SPARCL1: variants seen among roughly 807,000 people sequenced by gnomAD.
SPARCL1 encodes SPARC like 1.
Under a neutral mutation model 67.1 loss-of-function variants are expected in SPARCL1, and 52 were observed. That is an observed-to-expected ratio of 0.78 (90% CI 0.62 to 0.98). The LOEUF is 0.98. Ranked by LOEUF, SPARCL1 falls within the 50% of genes least tolerant of loss-of-function variation. SPARCL1 has a pLI of 0.00. For synonymous variants in SPARCL1, 226 were observed against 267.8 expected (o/e 0.84, Z 1.52); for missense variants, 717 against 782.4 (o/e 0.92, Z 1.00).
intron 8 of SPARCL1, among the ~76,000 whole-genome samples, chr4:87,481,530 C>T (rs1455695136): frequency 6.6e-6 from 1 of 152,168 alleles, no homozygotes; most frequent in Non-Finnish European, 1.5e-5. Flanking sequence ...AACATGCTCC[C>T]ACCCCAGGAA....
chr4:87,518,775 AAG>A (rs3037340), intron 1 of SPARCL1, among the ~76,000 whole-genome samples: 40,154 of 152,004 alleles, frequency 0.26, 5,563 homozygotes, highest in South Asian at 0.41. Flanking sequence ...AGGGAAGAAA[AAG>A]AGAGAAAAAG....
intron 1 of SPARCL1, among the ~76,000 whole-genome samples, chr4:87,508,656 T>C (rs1453740129): frequency 1.3e-5 from 2 of 151,378 alleles, no homozygotes; most frequent in African/African-American, 4.9e-5. Flanking sequence ...GGTAAAAAAA[T>C]AGAAGATTAG....
Position 87,494,122 on chromosome 4 carries a change from C to T in SPARCL1, c.678G>A (p.Arg226=), listed in dbSNP as rs150324828. 5.1e-5 allele frequency: 83 copies of T among 1,613,706 alleles called. No homozygotes were observed. In the African/African-American group the frequency reaches 8.8e-4, roughly 17 times the overall value. ...DNQERKTELP[R]EHANSKQEED... Reference sequence around the variant, plus strand: ...CCTCCTGCTTGCTGTTAGCATGCTCCCTGGGCAATTCTGTCTTTCTTTCTT... The same window carrying T: ...CCTCCTGCTTGCTGTTAGCATGCTCTCTGGGCAATTCTGTCTTTCTTTCTT... The change falls in exon 4 of 11, where the codon AGG becomes AGA. Residue 226 remains arginine (R), a synonymous_variant. Coordinates refer to ENST00000282470, the MANE Select transcript of SPARCL1 (RefSeq NM_004684.6).
At chr4:87,506,484 G>A (rs186186526) in intron 1 of SPARCL1, among the ~76,000 whole-genome samples, 126 of 152,252 alleles carry the variant, frequency 8.3e-4, no homozygotes, top group Admixed American at 1.8e-3. Context: ...ATCCACTGGG[G>A]ACCTGAATAG....
At chr4:87,493,539 A>G in intron 4 of SPARCL1, 43 bp downstream of exon 4, 1 of 1,536,228 alleles carries the variant, frequency 6.5e-7, no homozygotes, top group Non-Finnish European at 8.8e-7. Flanking sequence ...GTTTATTGAT[A>G]ATGCTGGCTT....
chr4:87,524,522 C>T (rs1725958230), intron 1 of SPARCL1, among the ~76,000 whole-genome samples: 1 of 152,224 alleles, frequency 6.6e-6, no homozygotes, highest in Non-Finnish European at 1.5e-5. Context: ...AATGGAAACT[C>T]ACCAGATCAC....
At chr4:87,516,501 A>T (rs1215886499) in intron 1 of SPARCL1, among the ~76,000 whole-genome samples, 1 of 152,200 alleles carries the variant, frequency 6.6e-6, no homozygotes, top group Non-Finnish European at 1.5e-5. Context: ...TGGCATATAC[A>T]TTCCTGAGAT....
rs1016205263 is a variant in SPARCL1 at position 87,524,764 on chromosome 4, C to A, written c.-12+4281G>T. Among the ~76,000 whole-genome samples the A allele has an allele frequency of 1.8e-4, 27 of 152,302 alleles. No individual in the cohort carries two copies. In the South Asian group the frequency reaches 2.5e-3, roughly 14 times the overall value. Reference sequence around the variant, plus strand: ...AGTGATTGGCTTTCTACGAAGTGAGCAGCAGGACCTAGACTGGAACCTTGC... The same window carrying A: ...AGTGATTGGCTTTCTACGAAGTGAGAAGCAGGACCTAGACTGGAACCTTGC... On this transcript the variant is annotated intron_variant, in intron 1 of 10. Transcript: ENST00000282470.
At chr4:87,510,473 G>A (rs1370380220) in intron 1 of SPARCL1, among the ~76,000 whole-genome samples, 1 of 152,080 alleles carries the variant, frequency 6.6e-6, no homozygotes, top group Non-Finnish European at 1.5e-5. Context: ...TCCCCATCCT[G>A]TGCCCATAAA....
intron 1 of SPARCL1, among the ~76,000 whole-genome samples, chr4:87,525,533 C>T (rs1272238892): frequency 6.6e-6 from 1 of 152,154 alleles, no homozygotes; most frequent in Non-Finnish European, 1.5e-5. Flanking sequence ...GGGTTTGCTG[C>T]AGTATGTGTA....
chr4:87,522,675 ACACACACG>A (rs973211923), intron 1 of SPARCL1, among the ~76,000 whole-genome samples: 6 of 148,080 alleles, frequency 4.1e-5, no homozygotes, highest in African/African-American at 1.6e-4. Flanking sequence ...ACACACACAC[ACACACACG>A]CACACACACA....
chr4:87,474,105 C>A (rs1046872906), intron 10 of SPARCL1, among the ~76,000 whole-genome samples: 3 of 152,106 alleles, frequency 2.0e-5, no homozygotes, highest in Non-Finnish European at 1.5e-5. Context: ...AGCAGGTTAA[C>A]GGGAGGTCCA....
At chr4:87,493,047 C>T (rs935272799) in intron 4 of SPARCL1, among the ~76,000 whole-genome samples, 1 of 152,200 alleles carries the variant, frequency 6.6e-6, no homozygotes, top group Non-Finnish European at 1.5e-5. Flanking sequence ...CCAGTATCTC[C>T]TATCCTTCAG....
intron 10 of SPARCL1, among the ~76,000 whole-genome samples, chr4:87,478,474 A>G (rs534669124): frequency 2.7e-5 from 4 of 147,074 alleles, no homozygotes; most frequent in Non-Finnish European, 5.9e-5. Flanking sequence ...GTCTCACTCT[A>G]TCACCCAGGC....
In SPARCL1 at chr4:87,492,081, A is replaced by G. The variant is rs964567267; in HGVS notation, c.1219-391T>C. On this transcript the variant is annotated intron_variant, in intron 4 of 10. Transcript: ENST00000282470. ...TGCAGTAAGCTGTGATTGCATCACTACACTCCAGCCTAGGAGACAGAGCAA... is the reference window on the plus strand; with the variant it reads ...TGCAGTAAGCTGTGATTGCATCACTGCACTCCAGCCTAGGAGACAGAGCAA... 1.6e-4 allele frequency among the ~76,000 whole-genome samples: 24 copies of G among 151,686 alleles called. 1 individual carries two copies. Among genetic ancestry groups the G allele is most frequent in the South Asian group, 8.4e-4 (4 of 4,774 alleles).
At chr4:87,518,032 C>T (rs1725656251) in intron 1 of SPARCL1, among the ~76,000 whole-genome samples, 1 of 152,174 alleles carries the variant, frequency 6.6e-6, no homozygotes, top group Non-Finnish European at 1.5e-5. Flanking sequence ...AGGGCCAACA[C>T]ATTTAATATG....
At chr4:87,498,111 A>C (rs1049199896) in intron 2 of SPARCL1, among the ~76,000 whole-genome samples, 4 of 152,178 alleles carry the variant, frequency 2.6e-5, no homozygotes, top group Admixed American at 2.0e-4. Flanking sequence ...ACAAGGACAA[A>C]GCACATTTTC....
chr4:87,482,563 G>A lies in SPARCL1; in HGVS notation c.1532-3C>T. 3.1e-6 allele frequency: 5 copies of A among 1,613,808 alleles called. No individual in the cohort carries two copies. Among genetic ancestry groups the A allele is most frequent in the Non-Finnish European group, 4.2e-6 (5 of 1,179,794 alleles). On this transcript the variant is annotated splice_region_variant and splice_polypyrimidine_tract_variant and intron_variant, in intron 7 of 10. Transcript: ENST00000282470. ...AAAGTCCGTACAAGTAGGAATAGCT[G>A]TTACAAGCAGAAAATGTACTGTAAT... is the stretch of plus-strand genomic sequence containing the variant.
chr4:87,522,026 C>A (rs1279651468), intron 1 of SPARCL1, among the ~76,000 whole-genome samples: 1 of 152,164 alleles, frequency 6.6e-6, no homozygotes, highest in African/African-American at 2.4e-5. Flanking sequence ...TATCAGAGAG[C>A]AAATCTCTTA....
Sources: gnomAD v4.1 joint callset for allele counts (sites outside exome capture counted in the v4.1 genomes callset) on GRCh38, gnomAD v4.1.1 for gene constraint, MANE v1.5 for transcripts, NCBI Gene and HGNC (gene_info 2026-07-23, HGNC 2026-07-21) for gene names.